Variants in TMEM247 observed in about 807,000 individuals in gnomAD.
TMEM247 encodes transmembrane protein ENSP00000343375.
A neutral mutation model predicts 20.7 loss-of-function variants in TMEM247; 23 were observed. The ratio of observed to expected loss-of-function variants is 1.11; its 90% CI spans 0.80 to 1.57. The LOEUF (loss-of-function observed/expected upper bound fraction) is 1.57, where lower values mean the gene tolerates loss of function less well. Among genes scored for constraint, TMEM247 ranks in the 40% most tolerant of loss-of-function variants. The pLI, the probability that TMEM247 is intolerant of heterozygous loss-of-function variation, is 0.00. For missense variants in TMEM247, 354 were observed against 283.8 expected, an observed-to-expected ratio of 1.25 and a Z score of -1.78; for synonymous variants, 106 against 111.9, an observed-to-expected ratio of 0.95 and a Z score of 0.33.
exon 3 of TMEM247, chr2:46,484,271 C>T: frequency 6.4e-7 from 1 of 1,551,104 alleles, no homozygotes; most frequent in Non-Finnish European, 8.7e-7. Context: ...GAACTTCCTG[C>T]TGCCCCAGAA....
chr2:46,484,207 T>A, intron 2 of TMEM247, 37 bp from the exon 3 acceptor site: 1 of 1,524,824 alleles, frequency 6.6e-7, no homozygotes, highest in Non-Finnish European at 8.8e-7. Flanking sequence ...GCGCCAACAA[T>A]GGCATCATCA....
At position 46,481,659 on chromosome 2, in the gene TMEM247, A is replaced by G. The variant is rs558545379; in HGVS notation, c.477+895A>G. On this transcript the variant is annotated intron_variant, in intron 2 of 2. Transcript: ENST00000434431. ...TGCAATTAGCCCAGCACATTAGGTAAGCACTCAATAAACGTTAGCTACTAC... is the reference window on the plus strand; with the variant it reads ...TGCAATTAGCCCAGCACATTAGGTAGGCACTCAATAAACGTTAGCTACTAC... Among the ~76,000 whole-genome samples the G allele has an allele frequency of 8.5e-5, 13 of 152,364 alleles. No homozygotes were observed. The East Asian group carries it at 2.5e-3, about 29-fold the overall frequency.
chr2:46,481,636 C>T (rs1686891638), intron 2 of TMEM247, among the ~76,000 whole-genome samples: 1 of 152,246 alleles, frequency 6.6e-6, no homozygotes, highest in Non-Finnish European at 1.5e-5. Context: ...AAGCACTTTG[C>T]AATTAGCCCA....
rs1443179906 is a variant in TMEM247, at chr2:46,480,427, A to C, written c.140A>C (p.Asp47Ala). The C allele has an allele frequency of 3.2e-6, 5 of 1,548,512 alleles. No homozygotes were observed. In the Middle Eastern group the frequency reaches 5.0e-4, roughly 155 times the overall value. The change falls in exon 2 of 3, where the codon GAC becomes GCC. Residue 47 changes from aspartate to alanine, a missense_variant. Coordinates refer to ENST00000434431, the Ensembl canonical transcript of TMEM247. ...CAGGAGGCAGAGTCCCAGAAGCCAG[A>C]CTCCTCCTATGACTACTTGGAAGAG... is the stretch of plus-strand genomic sequence containing the variant.
chr2:46,479,637 T>C, exon 1 of TMEM247: 2 of 1,551,734 alleles, frequency 1.3e-6, no homozygotes, highest in Non-Finnish European at 1.7e-6. Context: ...GGGAGAAAGT[T>C]GCCCGACCTT....
At chr2:46,483,916 A>T (rs1282893359) in intron 2 of TMEM247, among the ~76,000 whole-genome samples, 1 of 152,060 alleles carries the variant, frequency 6.6e-6, no homozygotes, top group Non-Finnish European at 1.5e-5. Context: ...GCCTCCCAAT[A>T]GATGGGACTA....
At chr2:46,480,686 G>C (rs775635461) in exon 2 of TMEM247, 4 of 1,550,904 alleles carry the variant, frequency 2.6e-6, no homozygotes, top group Non-Finnish European at 2.6e-6. Flanking sequence ...AGCACGAGGT[G>C]GTGATGGAGC....
intron 2 of TMEM247, among the ~76,000 whole-genome samples, chr2:46,481,902 AG>A (rs1686895854): frequency 2.6e-5 from 4 of 152,226 alleles, no homozygotes; most frequent in Admixed American, 2.6e-4. Flanking sequence ...GTCTCTGTAT[AG>A]GTTGGCAATG....
chr2:46,484,288 T>G, exon 3 of TMEM247: 3 of 1,552,038 alleles, frequency 1.9e-6, no homozygotes, highest in Non-Finnish European at 2.6e-6. Flanking sequence ...AGAACCAGTT[T>G]GCCATGTTCC....
intron 1 of TMEM247, among the ~76,000 whole-genome samples, chr2:46,479,953 T>C (rs1283873986): frequency 6.6e-6 from 1 of 152,144 alleles, no homozygotes; most frequent in African/African-American, 2.4e-5. Context: ...GCTGGGTGGA[T>C]AGGACCTGGC....
chr2:46,480,341 G>A, intron 1 of TMEM247, 64 bp from the exon 2 acceptor site: 4 of 1,450,312 alleles, frequency 2.8e-6, no homozygotes, highest in Non-Finnish European at 3.6e-6. Context: ...GAGTTCCATG[G>A]GGTCAGGGGC....
exon 1 of TMEM247, chr2:46,479,702 G>A (rs1686841056): frequency 6.5e-7 from 1 of 1,547,318 alleles, no homozygotes; most frequent in Non-Finnish European, 8.7e-7. Flanking sequence ...GGGCTTATCT[G>A]GTAAGGGGGC....
At chr2:46,481,693 T>C (rs554733256) in intron 2 of TMEM247, among the ~76,000 whole-genome samples, 1 of 152,350 alleles carries the variant, frequency 6.6e-6, no homozygotes, top group East Asian at 1.9e-4. Flanking sequence ...ACCATTTTTA[T>C]GTACTCATGC....
chr2:46,483,834 G>T (rs1238525332), intron 2 of TMEM247, among the ~76,000 whole-genome samples: 1 of 152,090 alleles, frequency 6.6e-6, no homozygotes, highest in Non-Finnish European at 1.5e-5. Context: ...TCTCACCCAG[G>T]CTGAAGTTAG....
rs549707383 is a variant in TMEM247, at chr2:46,480,888, G to T, written c.477+124G>T. 125 of 1,283,216 alleles carry T rather than the reference G, an allele frequency of 9.7e-5. No homozygotes were observed. In the African/African-American group the frequency reaches 1.6e-3, roughly 17 times the overall value. 79.5% of individuals were successfully genotyped at this position (1,283,216 alleles called of 1,614,324 possible). On this transcript the variant is annotated intron_variant, in intron 2 of 2. Transcript: ENST00000434431. ...CCCCACCCTGCAGATCCTGGATCTC[G>T]GCTGAAAGGGGCTGAGCATCCACTC...
chr2:46,480,516 C>T (rs1449747842), exon 2 of TMEM247: 17 of 1,551,744 alleles, frequency 1.1e-5, no homozygotes, highest in Middle Eastern at 1.7e-4. Context: ...CAAGTCCTGC[C>T]GTGCTACCAA....
At chr2:46,481,206 C>G (rs144406974) in intron 2 of TMEM247, among the ~76,000 whole-genome samples, 1 of 152,294 alleles carries the variant, frequency 6.6e-6, no homozygotes, top group East Asian at 1.9e-4. Flanking sequence ...ACCCAGAATC[C>G]CCACTGCACC....
intron 2 of TMEM247, 108 bp downstream of exon 2, chr2:46,480,872 G>C: frequency 1.5e-6 from 2 of 1,375,260 alleles, no homozygotes. Context: ...ACCCCACCCT[G>C]CAGATCCTGG....
chr2:46,482,667 G>A (rs1048754394), intron 2 of TMEM247, among the ~76,000 whole-genome samples: 2 of 152,158 alleles, frequency 1.3e-5, no homozygotes, highest in Admixed American at 6.5e-5. Context: ...ACTGAAACAC[G>A]TGCAGACTGC....
Sources: gnomAD v4.1 joint callset for allele counts (sites outside exome capture counted in the v4.1 genomes callset) on GRCh38, gnomAD v4.1.1 for gene constraint, MANE v1.5 for transcripts, NCBI Gene and HGNC (gene_info 2026-07-23, HGNC 2026-07-21) for gene names.